LMOD3: variants seen among roughly 807,000 people sequenced by gnomAD.
LMOD3 encodes the protein leiomodin 3.
LMOD3 carries 31 observed loss-of-function variants against 41.8 expected under a neutral mutation model. That is an observed-to-expected ratio of 0.74 (90% CI 0.56 to 1.00). The LOEUF is 1.00. LMOD3 is among the 50% of genes least tolerant of loss of function. The probability of loss-of-function intolerance (pLI) is 0.00; values close to 1 mark genes in which losing one functional copy is unlikely to be tolerated. For synonymous variants in LMOD3, 292 were observed against 241.9 expected, an observed-to-expected ratio of 1.21 and a Z score of -1.92; for missense variants, 755 against 679.5, an observed-to-expected ratio of 1.11 and a Z score of -1.23.
At chr3:69,121,062 T>TGACCAGAAGGGGGAGCC (rs1438941705) in intron 1 of LMOD3, among the ~76,000 whole-genome samples, 2 of 152,124 alleles carry the variant, frequency 1.3e-5, no homozygotes, top group African/African-American at 4.8e-5. Flanking sequence ...TTTCTCACCT[T>TGACCAGAAGGGGGAGCC]GACCAGAAGG....
rs1028453196 is a variant in LMOD3 at position 69,110,911 on chromosome 3, AAAC to A, written c.1657-1793_1657-1791del. ...TCCCCCAAGACAAAAAAAAATTATA[AAAC>A]AACAACAGAAGTCCAACACTGCAAA... is the stretch of plus-strand genomic sequence containing the variant. On this transcript the variant is annotated intron_variant, in intron 2 of 2. Coordinates refer to ENST00000420581, the MANE Select transcript of LMOD3 (RefSeq NM_198271.5). Among the ~76,000 whole-genome samples the A allele has an allele frequency of 2.2e-4, 32 of 148,396 alleles. No individual in the cohort carries two copies. In the South Asian group the frequency reaches 2.4e-3, roughly 11 times the overall value.
chr3:69,117,994 GATA>G (rs2092384409), intron 2 of LMOD3, among the ~76,000 whole-genome samples: 1 of 152,150 alleles, frequency 6.6e-6, no homozygotes, highest in African/African-American at 2.4e-5. Flanking sequence ...ACCATGCCCA[GATA>G]ATTTTTGTAT....
rs573669086 is a variant in LMOD3 at position 69,106,663 on chromosome 3, A to G, written c.*2432T>C. Among the ~76,000 whole-genome samples the G allele has an allele frequency of 1.0e-3, 153 of 151,578 alleles. No individual in the cohort carries two copies. The highest frequency in any genetic ancestry group is 1.7e-3 in the Non-Finnish European group (118 of 67,902). ...TCCTGACTTTAATAATACTGTGGCT[A>G]TACAAACAAATGCATAGGGGCTTTC... On this transcript the variant is annotated 3_prime_UTR_variant, in exon 3 of 3. Coordinates refer to ENST00000420581, the MANE Select transcript of LMOD3 (RefSeq NM_198271.5).
intron 2 of LMOD3, among the ~76,000 whole-genome samples, chr3:69,110,310 AC>A (rs956448153): frequency 3.3e-5 from 5 of 151,662 alleles, no homozygotes; most frequent in African/African-American, 1.2e-4. Flanking sequence ...GCTCAAGACA[AC>A]CTCTGCCTCC....
chr3:69,109,730 T>C (rs2092339332), intron 2 of LMOD3, among the ~76,000 whole-genome samples: 1 of 152,062 alleles, frequency 6.6e-6, no homozygotes, highest in South Asian at 2.1e-4. Flanking sequence ...GGTTTCACCA[T>C]GTTGGCCTGG....
intron 2 of LMOD3, among the ~76,000 whole-genome samples, chr3:69,109,758 G>C (rs1227803650): frequency 6.6e-6 from 1 of 151,820 alleles, no homozygotes; most frequent in Non-Finnish European, 1.5e-5. Flanking sequence ...CAAACTCCTG[G>C]CCTCAAGTGA....
rs2107526495 is a variant in LMOD3 at position 69,119,549 on chromosome 3, T to C, written c.806A>G (p.Glu269Gly). Residue 269 changes from glutamate to glycine, a missense_variant, in exon 2 of 3, where the codon GAA becomes GGA. Glu to Gly is a moderately conservative substitution (Grantham distance 98). Transcript: ENST00000420581. ...NLNNIENIPK[E>G]MLLDFVNAMK... ...TGCATTGACAAAGTCCAGTAACATT[T>C]CTTTGGGGATGTTTTCAATGTTGTT... is the stretch of plus-strand genomic sequence containing the variant. 1.9e-6 allele frequency: 3 copies of C among 1,613,910 alleles called. No individual in the cohort carries two copies. The highest frequency in any genetic ancestry group is 1.7e-6 in the Non-Finnish European group (2 of 1,179,880).
intron 2 of LMOD3, among the ~76,000 whole-genome samples, chr3:69,112,633 A>G (rs1057511081): frequency 3.3e-5 from 5 of 152,244 alleles, no homozygotes; most frequent in African/African-American, 1.2e-4. Flanking sequence ...AGGGTGGTAC[A>G]GAGGCAAGAA....
chr3:69,112,007 G>C (rs1313610333), intron 2 of LMOD3, among the ~76,000 whole-genome samples: 1 of 152,108 alleles, frequency 6.6e-6, no homozygotes, highest in Non-Finnish European at 1.5e-5. Context: ...TGCAAGAAAA[G>C]GCAGGCACAC....
chr3:69,116,890 C>T (rs1178060000), intron 2 of LMOD3, among the ~76,000 whole-genome samples: 1 of 152,224 alleles, frequency 6.6e-6, no homozygotes, highest in Non-Finnish European at 1.5e-5. Flanking sequence ...ACTTCATTCC[C>T]TCTTCTACTC....
Position 69,107,469 on chromosome 3 carries a change from T to G in LMOD3, c.*1626A>C, listed in dbSNP as rs1356009859. 2 of 99,546 alleles carry G rather than the reference T, an allele frequency of 2.0e-5. No individual in the cohort carries two copies. The highest frequency in any genetic ancestry group is 2.7e-4 in the East Asian group (1 of 3,642). 6.2% of individuals were successfully genotyped at this position (99,546 alleles called of 1,614,324 possible). ...GCACCAAAGGTTTTTTTTTTTTTTT[T>G]TTTTTTTTTTTTTTTTTTTTTTTTT... is the stretch of plus-strand genomic sequence containing the variant. On this transcript the variant is annotated 3_prime_UTR_variant, in exon 3 of 3. Coordinates refer to ENST00000420581, the MANE Select transcript of LMOD3 (RefSeq NM_198271.5).
At chr3:69,117,986 C>A (rs1404468563) in intron 2 of LMOD3, among the ~76,000 whole-genome samples, 1 of 152,156 alleles carries the variant, frequency 6.6e-6, no homozygotes. Context: ...TGCCCGCCAC[C>A]ATGCCCAGAT....
In LMOD3 at chr3:69,122,080, A is replaced by C. The variant is rs1325366755; in HGVS notation, c.294+13T>G. 2 of 1,604,976 alleles carry C rather than the reference A, an allele frequency of 1.2e-6. No individual in the cohort carries two copies. Among genetic ancestry groups the C allele is most frequent in the African/African-American group, 1.3e-5 (1 of 74,710 alleles). ...GGCAGCCATTTCTCGGTTGTACACA[A>C]ATCTCTGGTTACCTCGGATTTCACA... is the stretch of plus-strand genomic sequence containing the variant. On this transcript the variant is annotated intron_variant, in intron 1 of 2. Coordinates refer to ENST00000420581, the MANE Select transcript of LMOD3 (RefSeq NM_198271.5).
chr3:69,120,079 A>C lies in LMOD3; in HGVS notation c.295-19T>G. 6.3e-7 allele frequency: 1 copy of C among 1,579,798 alleles called. No individual in the cohort carries two copies. Among genetic ancestry groups the C allele is most frequent in the Non-Finnish European group, 8.5e-7 (1 of 1,170,396 alleles). ...TCTTTTCCTACAAGAGAGGTTTATGAGGGTTAGAATACATAGCAGAGAAGA... is the reference window on the plus strand; with the variant it reads ...TCTTTTCCTACAAGAGAGGTTTATGCGGGTTAGAATACATAGCAGAGAAGA... On this transcript the variant is annotated intron_variant, in intron 1 of 2. Coordinates refer to ENST00000420581, the MANE Select transcript of LMOD3 (RefSeq NM_198271.5).
In LMOD3 at chr3:69,118,984, G is replaced by C; in HGVS notation, c.1371C>G (p.Pro457=). 11 of 1,613,312 alleles carry C rather than the reference G, an allele frequency of 6.8e-6. No homozygotes were observed. The highest frequency in any genetic ancestry group is 9.3e-6 in the Non-Finnish European group (11 of 1,179,770). ...FQPPPPRPPN[P]QNVPFSQRSE... ...TGCGTTGACTAAAGGGGACATTTTG[G>C]GGGTTGGGAGGCCGAGGTGGCGGTG... The change falls in exon 2 of 3, where the codon CCC becomes CCG. Residue 457 remains proline (P), a synonymous_variant. Transcript: ENST00000420581.
At chr3:69,120,580 G>C (rs566871028) in intron 1 of LMOD3, among the ~76,000 whole-genome samples, 5 of 151,200 alleles carry the variant, frequency 3.3e-5, no homozygotes, top group Non-Finnish European at 7.4e-5. Context: ...TGGGAAATTA[G>C]ATACGTTTGA....
chr3:69,120,703 A>T (rs963501045), intron 1 of LMOD3, among the ~76,000 whole-genome samples: 4 of 151,836 alleles, frequency 2.6e-5, no homozygotes, highest in Non-Finnish European at 5.9e-5. Flanking sequence ...TTCTTTGACA[A>T]CTGCCATGAT....
At chr3:69,112,955 A>G (rs547988634) in intron 2 of LMOD3, among the ~76,000 whole-genome samples, 16 of 152,240 alleles carry the variant, frequency 1.1e-4, no homozygotes, top group Non-Finnish European at 2.1e-4. Flanking sequence ...TCTGGTTTAT[A>G]TAATTCCTGG....
intron 1 of LMOD3, 50 bp downstream of exon 1, chr3:69,122,043 C>T: frequency 1.4e-6 from 2 of 1,470,064 alleles, no homozygotes; most frequent in East Asian, 2.3e-5. Flanking sequence ...AGAGACCTAA[C>T]AGCCCATCCC....
Sources: allele counts gnomAD v4.1 joint callset (sites outside exome capture counted in the v4.1 genomes callset), GRCh38; gene constraint gnomAD v4.1.1; transcripts MANE v1.5; gene names NCBI Gene and HGNC (gene_info 2026-07-23, HGNC 2026-07-21).